THOC1: variants seen among roughly 807,000 people sequenced by gnomAD.
The protein encoded by THOC1 is THO complex 1.
Under a neutral mutation model 97.3 loss-of-function variants are expected in THOC1, and 29 were observed. That is an observed-to-expected ratio of 0.30 (90% CI 0.22 to 0.41). The LOEUF (loss-of-function observed/expected upper bound fraction) is 0.41. Ranked by LOEUF, THOC1 falls within the 10% of genes least tolerant of loss-of-function variation. THOC1 has a pLI of 1.00. For missense variants in THOC1, 529 were observed against 761.9 expected (o/e 0.69, Z 3.60); for synonymous variants, 255 against 257.0 (o/e 0.99, Z 0.07).
In THOC1 at chr18:224,055, A is replaced by T. The variant is rs1422525751; in HGVS notation, c.1304+29T>A. 6 of 1,392,318 alleles carry T rather than the reference A, an allele frequency of 4.3e-6. No homozygotes were observed. In the South Asian group the frequency reaches 7.3e-5, roughly 17 times the overall value. 86.2% of individuals were successfully genotyped at this position (1,392,318 alleles called of 1,614,324 possible). On this transcript the variant is annotated intron_variant, in intron 16 of 20. Transcript: ENST00000261600. The stretch of plus-strand genomic sequence containing the variant: ...CTTCAAAATATAAAAATAACTAAGA[A>T]CATCCCACATGAAGACAAATTCACC...
At chr18:217,063 T>G (rs564627648) in intron 18 of THOC1, among the ~76,000 whole-genome samples, 13 of 152,332 alleles carry the variant, frequency 8.5e-5, no homozygotes, top group African/African-American at 1.2e-4. Flanking sequence ...AGAAACAAAC[T>G]GCAGAGAAAT....
At chr18:250,786 G>T (rs537838470) in intron 9 of THOC1, among the ~76,000 whole-genome samples, 1 of 152,284 alleles carries the variant, frequency 6.6e-6, no homozygotes, top group Non-Finnish European at 1.5e-5. Context: ...TTATTTAAGT[G>T]ATTTACAAAC....
intron 11 of THOC1, among the ~76,000 whole-genome samples, chr18:236,774 T>C (rs1164762222): frequency 6.6e-6 from 1 of 152,098 alleles, no homozygotes; most frequent in East Asian, 1.9e-4. Flanking sequence ...TCTGTGTAAA[T>C]GTGATTTTAT....
intron 9 of THOC1, 113 bp downstream of exon 9, chr18:252,426 G>T (rs1447620573): frequency 3.7e-6 from 3 of 818,638 alleles, no homozygotes; most frequent in Non-Finnish European, 6.0e-6. Flanking sequence ...ACAAATGAAA[G>T]AAATTTCTTA....
intron 18 of THOC1, among the ~76,000 whole-genome samples, 153 bp downstream of exon 18, chr18:218,733 G>T (rs1217512754): frequency 6.6e-6 from 1 of 152,062 alleles, no homozygotes; most frequent in Non-Finnish European, 1.5e-5. Context: ...ATCAGGATGT[G>T]TACTAACAAG....
chr18:249,611 G>A (rs530854365), intron 9 of THOC1, among the ~76,000 whole-genome samples: 4 of 150,492 alleles, frequency 2.7e-5, no homozygotes, highest in Admixed American at 6.6e-5. Flanking sequence ...GCAGTGAGCC[G>A]AGATCACAGC....
intron 9 of THOC1, among the ~76,000 whole-genome samples, chr18:251,280 T>C (rs1263686886): frequency 6.6e-6 from 1 of 152,198 alleles, no homozygotes; most frequent in African/African-American, 2.4e-5. Flanking sequence ...ATGTTTCTTC[T>C]GGAGATGTGT....
In THOC1 at chr18:216,400, T is replaced by G. The variant is rs1484927423; in HGVS notation, c.1602+86A>C. 1.4e-5 allele frequency: 20 copies of G among 1,434,374 alleles called. No homozygotes were observed. In the Admixed American group the frequency reaches 3.3e-4, roughly 24 times the overall value. 88.9% of individuals were successfully genotyped at this position (1,434,374 alleles called of 1,614,324 possible). A position where few individuals can be genotyped will look rare whatever the true frequency, so the allele number is the denominator to read the frequency against. ...GTGGATCACTGGTTTTTCACATGAT[T>G]AAGTCAGTTTTTTGCTCACATAGTG... On this transcript the variant is annotated intron_variant, in intron 19 of 20. Transcript: ENST00000261600.
At chr18:229,865 T>C (rs1464327386) in intron 11 of THOC1, among the ~76,000 whole-genome samples, 1 of 152,164 alleles carries the variant, frequency 6.6e-6, no homozygotes, top group Non-Finnish European at 1.5e-5. Context: ...CCCTTCATTC[T>C]CCCTTAAACA....
At position 215,348 on chromosome 18, in the gene THOC1, CAAATT is replaced by C. The variant is rs368604421; in HGVS notation, c.1678+76_1678+80del. On this transcript the variant is annotated intron_variant, in intron 20 of 20. Transcript: ENST00000261600. ...AAATGGGAGAAGTTGAGAAGTCGAT[CAAATT>C]AAATAATGTACCTATCAACAAAGAA... The C allele has an allele frequency of 4.6e-4, 492 of 1,065,076 alleles. No homozygotes were observed. In the African/African-American group the frequency reaches 7.3e-3, roughly 16 times the overall value. 66.0% of individuals were successfully genotyped at this position (1,065,076 alleles called of 1,614,324 possible).
rs1784832 is a variant in THOC1 at position 221,672 on chromosome 18, G to T, written c.1370+1768C>A. On this transcript the variant is annotated intron_variant, in intron 17 of 20. Coordinates refer to ENST00000261600, the MANE Select transcript of THOC1 (RefSeq NM_005131.3). ...CGCCCAGGCTGGAGTGCAGTGGTGCGATCTCGACTCACTGCAAGCTCCGCC... is the reference window on the plus strand; with the variant it reads ...CGCCCAGGCTGGAGTGCAGTGGTGCTATCTCGACTCACTGCAAGCTCCGCC... 2.7e-5 allele frequency among the ~76,000 whole-genome samples: 4 copies of T among 148,486 alleles called. 1 individual carries two copies. The highest frequency in any genetic ancestry group is 5.9e-5 in the Non-Finnish European group (4 of 67,406).
At chr18:228,570 G>A (rs1911377450) in intron 11 of THOC1, among the ~76,000 whole-genome samples, 1 of 152,062 alleles carries the variant, frequency 6.6e-6, no homozygotes, top group African/African-American at 2.4e-5. Flanking sequence ...CACAGGTGGT[G>A]GGCCAGATTT....
chr18:216,715 C>T (rs1910904085), intron 18 of THOC1, 82 bp from the exon 19 acceptor site: 2 of 1,455,732 alleles, frequency 1.4e-6, no homozygotes, highest in African/African-American at 1.4e-5. Context: ...ATGTGTAATT[C>T]TGTATTTAAG....
At chr18:240,494 T>G (rs1911860255) in intron 11 of THOC1, among the ~76,000 whole-genome samples, 1 of 152,234 alleles carries the variant, frequency 6.6e-6, no homozygotes, top group Non-Finnish European at 1.5e-5. Flanking sequence ...CAGAGGGTAG[T>G]TCATGCTTTC....
Position 247,509 on chromosome 18 carries a change from G to A in THOC1, c.786+340C>T, listed in dbSNP as rs549232644. Among the ~76,000 whole-genome samples the A allele has an allele frequency of 8.5e-5, 13 of 152,302 alleles. No homozygotes were observed. In the South Asian group the frequency reaches 2.7e-3, roughly 32 times the overall value. On this transcript the variant is annotated intron_variant, in intron 10 of 20. Coordinates refer to ENST00000261600, the MANE Select transcript of THOC1 (RefSeq NM_005131.3). ...TAAGCAGTAGGTTAGATCTGGCCCA[G>A]AGCCATGACTTGAGGACTTCTGTTT...
intron 17 of THOC1, among the ~76,000 whole-genome samples, chr18:223,189 C>T (rs510589): frequency 0.17 from 25,463 of 152,114 alleles, 2,411 homozygotes; most frequent in Non-Finnish European, 0.23. Context: ...AGAACCGTAT[C>T]AGTTCATAGG....
At position 227,859 on chromosome 18, in the gene THOC1, G is replaced by A. The variant is rs545930288; in HGVS notation, c.919-958C>T. Among the ~76,000 whole-genome samples the A allele has an allele frequency of 9.2e-5, 14 of 152,014 alleles. No homozygotes were observed. The East Asian group carries it at 9.7e-4, about 10-fold the overall frequency. ...CCAAGTGCTGGTGGCTCTGCTTTAC[G>A]TGGTTGGTACCATTTACTAATGCTA... is the stretch of plus-strand genomic sequence containing the variant. On this transcript the variant is annotated intron_variant, in intron 11 of 20. Coordinates refer to ENST00000261600, the MANE Select transcript of THOC1 (RefSeq NM_005131.3).
chr18:257,355 A>G (rs1912467531), intron 7 of THOC1, among the ~76,000 whole-genome samples: 1 of 152,242 alleles, frequency 6.6e-6, no homozygotes, highest in South Asian at 2.1e-4. Flanking sequence ...TGTATAACAA[A>G]TAAGTAAATA....
At chr18:262,762 G>A (rs189408908) in intron 4 of THOC1, among the ~76,000 whole-genome samples, 15 of 152,316 alleles carry the variant, frequency 9.8e-5, no homozygotes, top group African/African-American at 3.1e-4. Flanking sequence ...ACTGGGAGGT[G>A]TGTGCCAGTT....
Sources: allele counts gnomAD v4.1 joint callset (sites outside exome capture counted in the v4.1 genomes callset), GRCh38; gene constraint gnomAD v4.1.1; transcripts MANE v1.5; gene names NCBI Gene and HGNC (gene_info 2026-07-23, HGNC 2026-07-21).